MEGF6: variants seen among roughly 807,000 people sequenced by gnomAD.
MEGF6 encodes the protein multiple EGF like domains 6.
A neutral mutation model predicts 207.1 loss-of-function variants in MEGF6; 184 were observed. The observed-to-expected ratio is 0.89, with a 90% CI of 0.79 to 1.00. The LOEUF is 1.00. Ranked by LOEUF, MEGF6 falls within the 50% of genes least tolerant of loss-of-function variation. MEGF6 has a pLI of 0.00. For synonymous variants in MEGF6, 1,038 were observed against 910.0 expected, an observed-to-expected ratio of 1.14 and a Z score of -2.53; for missense variants, 2,282 against 2,202.9, an observed-to-expected ratio of 1.04 and a Z score of -0.72.
intron 5 of MEGF6, among the ~76,000 whole-genome samples, chr1:3,518,242 CAG>C (rs746345809): frequency 1.3e-5 from 2 of 152,030 alleles, no homozygotes; most frequent in Non-Finnish European, 2.9e-5. Flanking sequence ...GGAAGAGACA[CAG>C]AGCACTCTCT....
intron 1 of MEGF6, among the ~76,000 whole-genome samples, chr1:3,607,671 G>GT (rs1357456777): frequency 6.6e-6 from 1 of 152,216 alleles, no homozygotes; most frequent in Non-Finnish European, 1.5e-5. Flanking sequence ...AAAGCACCTG[G>GT]TGACCTTTGA....
intron 3 of MEGF6, among the ~76,000 whole-genome samples, chr1:3,587,183 A>G (rs1455429044): frequency 6.6e-6 from 1 of 152,252 alleles, no homozygotes; most frequent in African/African-American, 2.4e-5. Context: ...TGCATGCAAC[A>G]CAAACAAGCA....
intron 34 of MEGF6, chr1:3,493,014 C>G (rs560028906): frequency 1.9e-6 from 1 of 539,924 alleles, no homozygotes; most frequent in Non-Finnish European, 3.3e-6. Flanking sequence ...CCCAGGCACA[C>G]GTCCAGAGTC....
At chr1:3,547,493 G>A (rs572912949) in intron 4 of MEGF6, among the ~76,000 whole-genome samples, 19 of 152,252 alleles carry the variant, frequency 1.2e-4, no homozygotes, top group African/African-American at 4.3e-4. Flanking sequence ...CCGGTCAAGC[G>A]GTCTGCCACA....
chr1:3,561,081 G>A (rs556206818), intron 4 of MEGF6, among the ~76,000 whole-genome samples: 44 of 152,308 alleles, frequency 2.9e-4, no homozygotes, highest in Middle Eastern at 3.4e-3. Flanking sequence ...ATGCTACAAG[G>A]GTAAAGGACC....
chr1:3,496,774 G>A lies in MEGF6; in HGVS notation c.3623C>T (p.Pro1208Leu), dbSNP rs772799683. 29 of 1,557,138 alleles carry A rather than the reference G, an allele frequency of 1.9e-5. No homozygotes were observed. In the African/African-American group the frequency reaches 3.5e-4, roughly 19 times the overall value. Residue 1208 changes from proline (P) to leucine (L), a missense_variant, in exon 29 of 37, where the codon CCC becomes CTC. Pro to Leu is a moderately conservative substitution (Grantham distance 98, BLOSUM62 -3). Transcript: ENST00000356575. ...TTCACAGCCTGGCCCATACCGCCCG[G>A]GCGGACATCCTGCAGGGAGAGGGGC... ...HGPSCQQRCP[P>L]GRYGPGCEQL... is the part of the protein sequence containing the mutation.
At position 3,603,573 on chromosome 1, in the gene MEGF6, G is replaced by A. The variant is rs369170776; in HGVS notation, c.132-973C>T. On this transcript the variant is annotated intron_variant, in intron 1 of 36. Coordinates refer to ENST00000356575, the MANE Select transcript of MEGF6 (RefSeq NM_001409.4). ...AACCAGGGCCAGGCATACCTGGTGC[G>A]GGCCGGTGTCTCCCCTCCAGCCTCA... Among the ~76,000 whole-genome samples, 5 of 152,264 alleles carry A rather than the reference G, an allele frequency of 3.3e-5. No homozygotes were observed. The East Asian group carries it at 9.7e-4, about 30-fold the overall frequency.
At chr1:3,530,610 G>A (rs1359442261) in intron 4 of MEGF6, among the ~76,000 whole-genome samples, 39 of 152,192 alleles carry the variant, frequency 2.6e-4, no homozygotes, top group Non-Finnish European at 4.4e-5. Context: ...AGGGTTCTCA[G>A]CTGCCCATGC....
At chr1:3,580,526 A>G (rs531086453) in intron 3 of MEGF6, among the ~76,000 whole-genome samples, 1 of 151,858 alleles carries the variant, frequency 6.6e-6, no homozygotes. Flanking sequence ...GGAGGAGGCC[A>G]CAGCTGGACC....
At chr1:3,559,589 A>G (rs1262517662) in intron 4 of MEGF6, among the ~76,000 whole-genome samples, 1 of 151,574 alleles carries the variant, frequency 6.6e-6, no homozygotes, top group African/African-American at 2.4e-5. Context: ...TCACACTTAC[A>G]AACCCAGTGG....
At chr1:3,543,842 G>A (rs1642610677) in intron 4 of MEGF6, among the ~76,000 whole-genome samples, 1 of 152,236 alleles carries the variant, frequency 6.6e-6, no homozygotes, top group South Asian at 2.1e-4. Flanking sequence ...CACCATGCTG[G>A]GCTCTGCAGT....
chr1:3,527,380 C>T (rs1487435162), intron 4 of MEGF6, among the ~76,000 whole-genome samples: 1 of 152,248 alleles, frequency 6.6e-6, no homozygotes, highest in Non-Finnish European at 1.5e-5. Context: ...ATGACACGAA[C>T]AGCCCCAGGA....
rs181394452 is a variant in MEGF6, at chr1:3,568,962, G to A, written c.481+10863C>T. ...GCCAAACCCTCAGTGTGGCCCATGA[G>A]AGCTGTCAGGCTGGGCACTGCAGCT... On this transcript the variant is annotated intron_variant, in intron 4 of 36. Coordinates refer to ENST00000356575, the MANE Select transcript of MEGF6 (RefSeq NM_001409.4). Among the ~76,000 whole-genome samples, 156 of 152,182 alleles carry A rather than the reference G, an allele frequency of 1.0e-3. 1 individual carries two copies. Among genetic ancestry groups the A allele is most frequent in the African/African-American group, 3.5e-3 (145 of 41,456 alleles).
intron 4 of MEGF6, among the ~76,000 whole-genome samples, chr1:3,525,227 A>C (rs941373999): frequency 6.6e-6 from 1 of 152,174 alleles, no homozygotes; most frequent in Non-Finnish European, 1.5e-5. Flanking sequence ...CCGCCATCCC[A>C]GAGCAGCCCA....
chr1:3,595,848 C>G (rs1438188840), intron 2 of MEGF6, among the ~76,000 whole-genome samples: 4 of 152,156 alleles, frequency 2.6e-5, no homozygotes, highest in African/African-American at 9.7e-5. Context: ...AAGTGCCCAG[C>G]CCTGGAGCCA....
At chr1:3,509,521 G>T (rs1056466925) in intron 11 of MEGF6, among the ~76,000 whole-genome samples, 3 of 152,230 alleles carry the variant, frequency 2.0e-5, no homozygotes, top group African/African-American at 7.2e-5. Flanking sequence ...GGGGCCTAGA[G>T]GGGTAGGGGT....
chr1:3,613,840 C>A (rs1444023022), upstream of MEGF6, among the ~76,000 whole-genome samples: 1 of 151,356 alleles, frequency 6.6e-6, no homozygotes, highest in Non-Finnish European at 1.5e-5. Context: ...CTGTCCCAGG[C>A]ACTGCCGCTG....
intron 4 of MEGF6, among the ~76,000 whole-genome samples, chr1:3,549,706 T>C (rs956673735): frequency 2.6e-5 from 4 of 152,198 alleles, no homozygotes; most frequent in African/African-American, 9.7e-5. Context: ...GCTCGGGCTA[T>C]GGGCGTCACT....
In MEGF6 at chr1:3,489,679, G is replaced by A. The variant is rs547275271; in HGVS notation, c.*849C>T. ...CTCCACACCAGCCCTCCTCCCCCTG[G>A]GCCATTCTCTGGGAACAGCCAGTCT... On this transcript the variant is annotated 3_prime_UTR_variant, in exon 37 of 37. Coordinates refer to ENST00000356575, the MANE Select transcript of MEGF6 (RefSeq NM_001409.4). Among the ~76,000 whole-genome samples, 190 of 152,240 alleles carry A rather than the reference G, an allele frequency of 1.2e-3. 1 individual carries two copies. The highest frequency in any genetic ancestry group is 6.6e-3 in the South Asian group (32 of 4,822).
Sources: gnomAD v4.1 joint callset for allele counts (sites outside exome capture counted in the v4.1 genomes callset) on GRCh38, gnomAD v4.1.1 for gene constraint, MANE v1.5 for transcripts, NCBI Gene and HGNC (gene_info 2026-07-23, HGNC 2026-07-21) for gene names.